The following DTNA variants were observed in gnomAD, a reference collection of about 807,000 sequenced individuals.
DTNA encodes the protein dystrobrevin alpha.
DTNA carries 43 observed loss-of-function variants against 100.7 expected under a neutral mutation model. The ratio of observed to expected loss-of-function variants is 0.43; its 90% CI spans 0.33 to 0.55. DTNA has a LOEUF of 0.55. DTNA is among the 20% of genes least tolerant of loss of function. The probability of loss-of-function intolerance (pLI) is 0.04; values close to 1 mark genes in which losing one functional copy is unlikely to be tolerated. For missense variants in DTNA, 798 were observed against 953.9 expected (o/e 0.84, Z 2.15); for synonymous variants, 349 against 347.9 (o/e 1.00, Z -0.04).
At chr18:34,877,374 G>A (rs1004709907) in intron 18 of DTNA, among the ~76,000 whole-genome samples, 4 of 152,154 alleles carry the variant, frequency 2.6e-5, no homozygotes, top group Admixed American at 2.6e-4. Flanking sequence ...TCTTAAGAAG[G>A]GTGACCACAC....
At chr18:34,753,300 T>C (rs2092469876) in intron 1 of DTNA, among the ~76,000 whole-genome samples, 1 of 152,062 alleles carries the variant, frequency 6.6e-6, no homozygotes, top group Non-Finnish European at 1.5e-5. Flanking sequence ...ACCTCTGATA[T>C]TTTCTGTCAG....
intron 1 of DTNA, among the ~76,000 whole-genome samples, chr18:34,700,739 C>T (rs1456824965): frequency 6.6e-6 from 1 of 152,210 alleles, no homozygotes; most frequent in Non-Finnish European, 1.5e-5. Context: ...TTTCTATAGT[C>T]AGCTCACACT....
rs764108498 is a variant in DTNA at position 34,884,742 on chromosome 18, T to C, written c.2310T>C (p.Gly770=). The change falls in exon 22 of 23, where the codon GGT becomes GGC. Residue 770 remains glycine, a synonymous_variant. Transcript: ENST00000444659. The part of the protein sequence containing the change: ...QDEAYQVSLQ[G] Reference sequence around the variant, plus strand: ...GTCACCCACAGGTCAGCTTGCAAGGTTGAATGCAATATCCTTTTATCACAC... The same window carrying C: ...GTCACCCACAGGTCAGCTTGCAAGGCTGAATGCAATATCCTTTTATCACAC... 9 of 1,613,998 alleles carry C rather than the reference T, an allele frequency of 5.6e-6. No homozygotes were observed. The South Asian group carries it at 6.6e-5, about 12-fold the overall frequency.
chr18:34,847,609 T>C (rs910765340), intron 13 of DTNA, among the ~76,000 whole-genome samples: 1 of 152,184 alleles, frequency 6.6e-6, no homozygotes, highest in Non-Finnish European at 1.5e-5. Context: ...TCCATTCACA[T>C]GGTAATTGGC....
At chr18:34,550,800 T>G (rs1349472989) in intron 1 of DTNA, among the ~76,000 whole-genome samples, 1 of 152,204 alleles carries the variant, frequency 6.6e-6, no homozygotes, top group Admixed American at 6.5e-5. Context: ...ATGTTATATT[T>G]CTAATCAAAA....
At chr18:34,850,907 G>T (rs772533725) in intron 14 of DTNA, among the ~76,000 whole-genome samples, 11 of 151,950 alleles carry the variant, frequency 7.2e-5, no homozygotes, top group Non-Finnish European at 1.3e-4. Context: ...TATACCAGTC[G>T]TTAAAGCTGA....
chr18:34,691,757 G>T (rs2079798176), intron 1 of DTNA, among the ~76,000 whole-genome samples: 1 of 152,074 alleles, frequency 6.6e-6, no homozygotes, highest in African/African-American at 2.4e-5. Flanking sequence ...CTTCTGCCTA[G>T]ACACTCCTCC....
At chr18:34,629,816 C>T (rs768161145) in intron 1 of DTNA, among the ~76,000 whole-genome samples, 6 of 152,174 alleles carry the variant, frequency 3.9e-5, no homozygotes, top group Non-Finnish European at 5.9e-5. Flanking sequence ...CCATTTTGAA[C>T]TGACTGCTGG....
At chr18:34,645,350 A>G (rs978064728) in intron 1 of DTNA, among the ~76,000 whole-genome samples, 2 of 152,110 alleles carry the variant, frequency 1.3e-5, no homozygotes, top group Admixed American at 1.3e-4. Flanking sequence ...AGATTTTTGT[A>G]TGGGTTTTTG....
intron 1 of DTNA, among the ~76,000 whole-genome samples, chr18:34,700,508 C>G (rs1271183696): frequency 6.6e-6 from 1 of 152,162 alleles, no homozygotes; most frequent in African/African-American, 2.4e-5. Context: ...TAGTTTATCC[C>G]TTGTACAAGC....
intron 1 of DTNA, chr18:34,493,901 G>C (rs2038846974): frequency 1.4e-5 from 2 of 147,926 alleles, no homozygotes; most frequent in South Asian, 4.2e-4. Context: ...AGCATGTGCC[G>C]GGCGCCGCAG....
chr18:34,776,396 C>T (rs2094051277), intron 3 of DTNA, among the ~76,000 whole-genome samples: 1 of 152,144 alleles, frequency 6.6e-6, no homozygotes, highest in Admixed American at 6.5e-5. Context: ...TGCAGTGGCA[C>T]GATCTCAGCT....
At chr18:34,809,337 G>A (rs2095434697) in intron 5 of DTNA, among the ~76,000 whole-genome samples, 1 of 152,114 alleles carries the variant, frequency 6.6e-6, no homozygotes, top group Admixed American at 6.6e-5. Flanking sequence ...CATGCCTTTA[G>A]TCCCAGCTAC....
chr18:34,778,133 A>C (rs2094147466), intron 3 of DTNA, among the ~76,000 whole-genome samples: 2 of 152,236 alleles, frequency 1.3e-5, no homozygotes, highest in Admixed American at 6.5e-5. Context: ...TCTTTTCCTA[A>C]GTTATTTGGG....
At chr18:34,596,872 A>G (rs2050720824) in intron 1 of DTNA, among the ~76,000 whole-genome samples, 1 of 152,036 alleles carries the variant, frequency 6.6e-6, no homozygotes, top group East Asian at 1.9e-4. Context: ...TTTTAATTAT[A>G]CGCAAGTTGT....
intron 2 of DTNA, among the ~76,000 whole-genome samples, chr18:34,765,422 C>T (rs1389419363): frequency 6.6e-6 from 1 of 152,162 alleles, no homozygotes; most frequent in Non-Finnish European, 1.5e-5. Context: ...TATATTCACT[C>T]ATTTATCCTT....
At chr18:34,698,270 C>T (rs2080874799) in intron 1 of DTNA, among the ~76,000 whole-genome samples, 1 of 152,146 alleles carries the variant, frequency 6.6e-6, no homozygotes, top group Non-Finnish European at 1.5e-5. Flanking sequence ...CACAAATTAC[C>T]ACAAAGCTTA....
At chr18:34,665,250 G>A (rs1044660004) in intron 1 of DTNA, among the ~76,000 whole-genome samples, 22 of 151,920 alleles carry the variant, frequency 1.4e-4, no homozygotes, top group Non-Finnish European at 3.1e-4. Context: ...TTTCCTTAGG[G>A]AAACAAGATA....
In DTNA at chr18:34,794,033, G is replaced by A. The variant is rs758199517; in HGVS notation, c.149-4G>A. The stretch of plus-strand genomic sequence containing the variant: ...CTGATGTGTTAACTCTGCTTTAATT[G>A]TAGTGCACCTGGTGGACATATGGAA... On this transcript the variant is annotated splice_region_variant and splice_polypyrimidine_tract_variant and intron_variant, in intron 3 of 22. Coordinates refer to ENST00000444659, the MANE Select transcript of DTNA (RefSeq NM_001386795.1). 1 of 1,613,582 alleles carries A rather than the reference G, an allele frequency of 6.2e-7. No individual in the cohort carries two copies. Among genetic ancestry groups the A allele is most frequent in the South Asian group, 1.1e-5 (1 of 90,974 alleles).
Sources: gnomAD v4.1 joint callset for allele counts (sites outside exome capture counted in the v4.1 genomes callset) on GRCh38, gnomAD v4.1.1 for gene constraint, MANE v1.5 for transcripts, NCBI Gene and HGNC (gene_info 2026-07-23, HGNC 2026-07-21) for gene names.